The following LACTB2 variants were observed in gnomAD, a reference collection of about 807,000 sequenced individuals.
LACTB2 encodes endoribonuclease LACTB2.
A neutral mutation model predicts 34.8 loss-of-function variants in LACTB2; 32 were observed. The ratio of observed to expected loss-of-function variants is 0.92; its 90% confidence interval spans 0.69 to 1.24. LACTB2 has a LOEUF of 1.24. Among genes scored for constraint, LACTB2 ranks in the 50% most tolerant of loss-of-function variants. LACTB2 has a pLI of 0.00. For synonymous variants in LACTB2, 120 were observed against 117.5 expected, an observed-to-expected ratio of 1.02 and a Z score of -0.14; for missense variants, 320 against 345.0, an observed-to-expected ratio of 0.93 and a Z score of 0.57.
At chr8:70,663,248 T>C (rs1443667773) in intron 1 of LACTB2, 3 of 152,176 alleles carry the variant, frequency 2.0e-5, no homozygotes, top group Admixed American at 2.0e-4. Flanking sequence ...TAACATACCA[T>C]AGAAAGCATT....
At chr8:70,650,735 CAAAAAAAAA>C (rs61025700) in intron 3 of LACTB2, among the ~76,000 whole-genome samples, 16 of 46,210 alleles carry the variant, frequency 3.5e-4, no homozygotes, top group Non-Finnish European at 1.1e-4. Flanking sequence ...GACTCCATCT[CAAAAAAAAA>C]AAAAAAAAAA....
chr8:70,646,760 T>C (rs1158580551), intron 3 of LACTB2: 1 of 152,226 alleles, frequency 6.6e-6, no homozygotes, highest in East Asian at 1.9e-4. Flanking sequence ...TAATCTGTTC[T>C]GCAAAGCACC....
At chr8:70,653,159 G>T (rs1419715607) in intron 3 of LACTB2, among the ~76,000 whole-genome samples, 1 of 152,152 alleles carries the variant, frequency 6.6e-6, no homozygotes, top group Non-Finnish European at 1.5e-5. Flanking sequence ...CACCAGGCTG[G>T]AGTGTAGTGG....
intron 3 of LACTB2, among the ~76,000 whole-genome samples, chr8:70,644,689 A>G (rs1362458482): frequency 6.6e-6 from 1 of 152,084 alleles, no homozygotes; most frequent in Non-Finnish European, 1.5e-5. Flanking sequence ...AATATTGACC[A>G]GGCTGGTCTT....
intron 3 of LACTB2, among the ~76,000 whole-genome samples, chr8:70,649,029 G>A (rs1179711557): frequency 6.6e-6 from 1 of 152,126 alleles, no homozygotes; most frequent in African/African-American, 2.4e-5. Context: ...ACAATACTGA[G>A]AAGGAAAAAT....
chr8:70,638,230 T>C (rs1350282383), intron 6 of LACTB2, among the ~76,000 whole-genome samples: 2 of 152,232 alleles, frequency 1.3e-5, no homozygotes, highest in Non-Finnish European at 2.9e-5. Context: ...TGTTCCCAAA[T>C]CTACCACATG....
At chr8:70,648,871 T>C (rs1480711285) in intron 3 of LACTB2, among the ~76,000 whole-genome samples, 2 of 152,040 alleles carry the variant, frequency 1.3e-5, no homozygotes, top group African/African-American at 4.8e-5. Context: ...CAGTGATTCC[T>C]TTGATGAAGG....
chr8:70,663,795 T>C (rs547718378), intron 1 of LACTB2, among the ~76,000 whole-genome samples: 2 of 152,202 alleles, frequency 1.3e-5, no homozygotes, highest in African/African-American at 4.8e-5. Flanking sequence ...TTTTTTTCCA[T>C]AGCAATTATT....
intron 1 of LACTB2, chr8:70,663,025 T>C (rs1245388874): frequency 6.6e-6 from 1 of 152,186 alleles, no homozygotes; most frequent in African/African-American, 2.4e-5. Context: ...ACTCATACTG[T>C]TTCACAGTAA....
chr8:70,667,197 G>T (rs772921719), intron 1 of LACTB2, among the ~76,000 whole-genome samples: 2 of 152,226 alleles, frequency 1.3e-5, no homozygotes, highest in Non-Finnish European at 2.9e-5. Flanking sequence ...TGTGGTGTTG[G>T]CAAATTAAGG....
chr8:70,650,789 C>G (rs1818332227), intron 3 of LACTB2, among the ~76,000 whole-genome samples: 1 of 134,510 alleles, frequency 7.4e-6, no homozygotes, highest in South Asian at 2.5e-4. Context: ...AAGCCCCAAA[C>G]TGACAAAGGT....
At chr8:70,640,731 G>A (rs2927519) in intron 5 of LACTB2, 171 bp downstream of exon 5, 18,714 of 683,362 alleles carry the variant, frequency 0.027, 340 homozygotes, top group Middle Eastern at 0.035. Flanking sequence ...GTTCTCTAAG[G>A]CCAGTTTTTG....
intron 4 of LACTB2, 54 bp downstream of exon 4, chr8:70,644,011 A>T: frequency 7.1e-7 from 1 of 1,405,362 alleles, no homozygotes; most frequent in Non-Finnish European, 9.3e-7. Flanking sequence ...ACATAGCAAG[A>T]CCTTGTCTCT....
At chr8:70,653,112 C>T (rs542142502) in intron 3 of LACTB2, among the ~76,000 whole-genome samples, 30 of 152,192 alleles carry the variant, frequency 2.0e-4, no homozygotes, top group Middle Eastern at 3.4e-3. Flanking sequence ...TATTTTCTTG[C>T]TCTTTCTTAC....
At chr8:70,658,885 G>C (rs1321901755) in intron 2 of LACTB2, among the ~76,000 whole-genome samples, 1 of 152,152 alleles carries the variant, frequency 6.6e-6, no homozygotes, top group Non-Finnish European at 1.5e-5. Context: ...AAATTAGCCA[G>C]GTGTGGTGGT....
intron 2 of LACTB2, among the ~76,000 whole-genome samples, chr8:70,658,821 T>A (rs1818445546): frequency 6.6e-6 from 1 of 152,022 alleles, no homozygotes; most frequent in Admixed American, 6.6e-5. Flanking sequence ...GGTCAGGAGT[T>A]CGAGACCAGT....
intron 2 of LACTB2, 167 bp downstream of exon 2, chr8:70,661,567 T>C (rs1398561957): frequency 3.6e-6 from 2 of 552,402 alleles, no homozygotes; most frequent in East Asian, 3.2e-5. Flanking sequence ...GTTCCTCCTT[T>C]GTTAAAACTA....
At chr8:70,668,962 G>T in intron 1 of LACTB2, 37 bp downstream of exon 1, 1 of 1,557,202 alleles carries the variant, frequency 6.4e-7, no homozygotes, top group Non-Finnish European at 8.7e-7. Context: ...TCCGGGGCCG[G>T]CTGCGAACGT....
chr8:70,653,278 T>C (rs1003423708), intron 3 of LACTB2, among the ~76,000 whole-genome samples: 1 of 151,916 alleles, frequency 6.6e-6, no homozygotes, highest in Non-Finnish European at 1.5e-5. Context: ...GCCTGGCTAT[T>C]TTTTTTGTAT....
Sources: gnomAD v4.1 joint callset for allele counts (sites outside exome capture counted in the v4.1 genomes callset) on GRCh38, gnomAD v4.1.1 for gene constraint, MANE v1.5 for transcripts, NCBI Gene and HGNC (gene_info 2026-07-23, HGNC 2026-07-21) for gene names.